Variants in PBX4 observed in about 807,000 individuals in gnomAD.
PBX4 encodes the protein PBX homeobox 4.
In PBX4, 26 loss-of-function variants were observed where a neutral mutation model predicts 35.1. The observed-to-expected ratio is 0.74, with a 90% confidence interval of 0.54 to 1.03. PBX4 has a LOEUF of 1.03. Among genes scored for constraint, PBX4 ranks in the 50% least tolerant of loss-of-function variants. PBX4 has a pLI of 0.00. For missense variants in PBX4, 448 were observed against 504.3 expected, an observed-to-expected ratio of 0.89 and a Z score of 1.07; for synonymous variants, 199 against 204.2, an observed-to-expected ratio of 0.97 and a Z score of 0.22.
At chr19:19,583,754 C>A (rs889279375) in intron 2 of PBX4, among the ~76,000 whole-genome samples, 2 of 152,046 alleles carry the variant, frequency 1.3e-5, no homozygotes, top group African/African-American at 4.8e-5. Context: ...AGTTCCAGAC[C>A]AGCCTGGCCA....
rs36044843 is a variant in PBX4, at chr19:19,572,854, C to CAA, written c.194-2023_194-2022dup. Among the ~76,000 whole-genome samples the CAA allele has an allele frequency of 3.9e-3, 269 of 68,966 alleles. 2 individuals carry two copies. Among genetic ancestry groups the CAA allele is most frequent in the East Asian group, 6.6e-3 (15 of 2,286 alleles). The allele number at this position is 68,966 out of a possible 152,430, so 45.2% of individuals were successfully genotyped here. On this transcript the variant is annotated intron_variant, in intron 2 of 7. Transcript: ENST00000251203. ...GGGTGACAAGGGCGAGACTCCGTCTCAAAAAAAAAAAAAAAAAAAAAGAGA... is the reference window on the plus strand; with the variant it reads ...GGGTGACAAGGGCGAGACTCCGTCTCAAAAAAAAAAAAAAAAAAAAAAAGAGA...
intron 2 of PBX4, among the ~76,000 whole-genome samples, chr19:19,578,307 G>A (rs28579223): frequency 0.013 from 1,941 of 152,306 alleles, 44 homozygotes; most frequent in African/African-American, 0.044. Context: ...GTCCATGCTG[G>A]GGACATCTGC....
chr19:19,612,977 C>T (rs963388513), intron 1 of PBX4, among the ~76,000 whole-genome samples: 1 of 151,932 alleles, frequency 6.6e-6, no homozygotes, highest in Non-Finnish European at 1.5e-5. Flanking sequence ...TGGGCATCAT[C>T]ATGCCCAGCT....
rs182240497 is a variant in PBX4 at position 19,576,604 on chromosome 19, C to A, written c.194-5771G>T. Among the ~76,000 whole-genome samples the A allele has an allele frequency of 2.0e-5, 3 of 152,120 alleles. No individual in the cohort carries two copies. The East Asian group carries it at 5.8e-4, about 29-fold the overall frequency. On this transcript the variant is annotated intron_variant, in intron 2 of 7. Transcript: ENST00000251203. ...AGCCCATCACAAGCCAGGTACCACA[C>A]TAAGTGTTGAGGATTTTTATTGTAT...
chr19:19,605,558 C>T (rs896306683), intron 1 of PBX4, among the ~76,000 whole-genome samples: 7 of 151,660 alleles, frequency 4.6e-5, no homozygotes, highest in South Asian at 2.1e-4. Flanking sequence ...CTCAGGAGAT[C>T]AAGGCTGCAG....
At chr19:19,597,642 T>C (rs968894097) in intron 2 of PBX4, among the ~76,000 whole-genome samples, 2 of 152,146 alleles carry the variant, frequency 1.3e-5, no homozygotes, top group Non-Finnish European at 2.9e-5. Flanking sequence ...CCTCAGCAAA[T>C]ATGAAGTGCT....
chr19:19,570,899 TGTGAGCACTG>T, intron 2 of PBX4, 66 bp from the exon 3 acceptor site: 1 of 1,582,444 alleles, frequency 6.3e-7, no homozygotes, highest in Non-Finnish European at 8.6e-7. Flanking sequence ...CATGAGAAAA[TGTGAGCACTG>T]GTGTTATGTC....
chr19:19,597,295 T>C (rs575340292), intron 2 of PBX4, among the ~76,000 whole-genome samples: 1 of 152,340 alleles, frequency 6.6e-6, no homozygotes, highest in African/African-American at 2.4e-5. Flanking sequence ...GAAACTTAAA[T>C]GTAGATTTAA....
intron 2 of PBX4, among the ~76,000 whole-genome samples, chr19:19,592,233 T>A (rs777698285): frequency 1.3e-5 from 2 of 152,178 alleles, no homozygotes; most frequent in Non-Finnish European, 2.9e-5. Context: ...ACATACCTAG[T>A]CCCAGGGTCT....
chr19:19,576,646 C>T (rs1336378376), intron 2 of PBX4, among the ~76,000 whole-genome samples: 2 of 151,974 alleles, frequency 1.3e-5, no homozygotes, highest in Non-Finnish European at 2.9e-5. Context: ...TTTTTGGGGT[C>T]TGTCTCTGTT....
intron 1 of PBX4, among the ~76,000 whole-genome samples, chr19:19,602,736 T>C (rs1445129626): frequency 1.6e-5 from 2 of 126,414 alleles, no homozygotes; most frequent in Non-Finnish European, 3.5e-5. Context: ...CTATTAATTA[T>C]GTTTTTTTTT....
intron 5 of PBX4, 29 bp from the exon 6 acceptor site, chr19:19,565,118 G>A (rs1193548388): frequency 1.2e-6 from 2 of 1,613,712 alleles, no homozygotes; most frequent in Admixed American, 1.7e-5. Context: ...CACTGGAGGA[G>A]CTGACCCAGC....
intron 1 of PBX4, 43 bp downstream of exon 1, chr19:19,618,468 T>C: frequency 7.2e-7 from 1 of 1,388,342 alleles, no homozygotes; most frequent in Non-Finnish European, 9.4e-7. Context: ...CCAACCTCAC[T>C]GCCACGACCC....
intron 1 of PBX4, among the ~76,000 whole-genome samples, chr19:19,609,670 G>A (rs2144789427): frequency 6.6e-6 from 1 of 151,312 alleles, no homozygotes; most frequent in East Asian, 1.9e-4. Context: ...CTCACACGGT[G>A]AAACCCGGTC....
intron 1 of PBX4, among the ~76,000 whole-genome samples, chr19:19,613,269 C>A (rs987603208): frequency 6.6e-6 from 1 of 151,302 alleles, no homozygotes; most frequent in Non-Finnish European, 1.5e-5. Flanking sequence ...AGTTTGAGAG[C>A]AGCCTGGCCA....
At position 19,605,155 on chromosome 19, in the gene PBX4, C is replaced by T. The variant is rs1342703867; in HGVS notation, c.120-5790G>A. ...AAAAACTGTCAGACACAGTGGCTCA[C>T]GCCTGGAATCCCAGCACTTTGAGAA... On this transcript the variant is annotated intron_variant, in intron 1 of 7. Coordinates refer to ENST00000251203, the MANE Select transcript of PBX4 (RefSeq NM_025245.3). 4.0e-5 allele frequency among the ~76,000 whole-genome samples: 6 copies of T among 151,396 alleles called. No individual in the cohort carries two copies. In the East Asian group the frequency reaches 7.7e-4, roughly 20 times the overall value.
intron 2 of PBX4, among the ~76,000 whole-genome samples, chr19:19,591,108 A>G (rs1287540275): frequency 1.3e-5 from 2 of 152,158 alleles, no homozygotes; most frequent in African/African-American, 4.8e-5. Flanking sequence ...GGATACTCCA[A>G]TCAACCTGGA....
chr19:19,570,687 C>G lies in PBX4; in HGVS notation c.340G>C (p.Gly114Arg). Residue 114 changes from glycine (G) to arginine (R), a missense_variant, in exon 3 of 8, where the codon GGT (glycine) becomes CGT (arginine). Gly to Arg is a moderately radical substitution (Grantham distance 125). Coordinates refer to ENST00000251203, the MANE Select transcript of PBX4 (RefSeq NM_025245.3). ...ATGCTATTGTCATTTGGACAGCCAC[C>G]TGGTGTTGCTGTGCCGGCCCTGGCC... ...AVARAGTATP[G>R]GCPNDNSIEH... The G allele has an allele frequency of 6.2e-7, 1 of 1,614,180 alleles. No homozygotes were observed. The highest frequency in any genetic ancestry group is 8.5e-7 in the Non-Finnish European group (1 of 1,180,026).
chr19:19,612,912 G>A (rs1289698399), intron 1 of PBX4, among the ~76,000 whole-genome samples: 1 of 151,848 alleles, frequency 6.6e-6, no homozygotes, highest in Non-Finnish European at 1.5e-5. Flanking sequence ...TCCGTCTCCA[G>A]GGTTCAATCG....
Sources: gnomAD v4.1 joint callset for allele counts (sites outside exome capture counted in the v4.1 genomes callset) on GRCh38, gnomAD v4.1.1 for gene constraint, MANE v1.5 for transcripts, NCBI Gene and HGNC (gene_info 2026-07-23, HGNC 2026-07-21) for gene names.